Variants in C16orf96 observed in about 807,000 individuals in gnomAD.
C16orf96 encodes chromosome 16 open reading frame 96, also known as uncharacterized protein C16orf96.
C16orf96 carries 108 observed loss-of-function variants against 103.6 expected under a neutral mutation model. That is an observed-to-expected ratio of 1.04 (90% CI 0.89 to 1.22). C16orf96 has a LOEUF of 1.22. Among genes scored for constraint, C16orf96 ranks in the 50% most tolerant of loss-of-function variants. The pLI, the probability that C16orf96 is intolerant of heterozygous loss-of-function variation, is 0.00. For missense variants in C16orf96, 1,586 were observed against 1,464.2 expected (o/e 1.08, Z -1.36); for synonymous variants, 566 against 593.5 (o/e 0.95, Z 0.67).
Position 4,556,579 on chromosome 16 carries a change from G to T in C16orf96, c.90G>T (p.Leu30=). ...VLNFKALHLL[L]HGILEHIHMA... ...ACTTCAAGGCCCTGCACCTCCTGCT[G>T]CACGGCATCTTGGAGCACATCCACA... The change falls in exon 1 of 16, where the codon CTG becomes CTT. Residue 30 remains leucine, a synonymous_variant. Coordinates refer to ENST00000444310, the MANE Select transcript of C16orf96 (RefSeq NM_001145011.2). 6.4e-7 allele frequency: 1 copy of T among 1,551,688 alleles called. No individual in the cohort carries two copies. The highest frequency in any genetic ancestry group is 8.7e-7 in the Non-Finnish European group (1 of 1,147,010).
At chr16:4,597,622 T>C (rs1281958208) in intron 14 of C16orf96, among the ~76,000 whole-genome samples, 1 of 151,906 alleles carries the variant, frequency 6.6e-6, no homozygotes, top group Non-Finnish European at 1.5e-5. Flanking sequence ...AGTGGGGCGA[T>C]CTCAGCTCAC....
chr16:4,588,842 C>T (rs764743421), intron 9 of C16orf96, among the ~76,000 whole-genome samples: 15 of 151,522 alleles, frequency 9.9e-5, no homozygotes, highest in Non-Finnish European at 1.8e-4. Flanking sequence ...CCTCAGGAAA[C>T]GCTGCTGCTC....
chr16:4,594,619 T>A, intron 13 of C16orf96, 85 bp from the exon 14 acceptor site: 2 of 1,537,584 alleles, frequency 1.3e-6, no homozygotes, highest in African/African-American at 1.4e-5. Context: ...GGCTGCACTC[T>A]GTCTCCTGGG....
At chr16:4,552,506 C>T (rs957040013), upstream of C16orf96, among the ~76,000 whole-genome samples, 2 of 143,652 alleles carry the variant, frequency 1.4e-5, no homozygotes, top group Non-Finnish European at 3.1e-5. Context: ...AAAAAAGAAA[C>T]GAAAAGAAAA....
chr16:4,598,091 C>A (rs2141770286), intron 14 of C16orf96, among the ~76,000 whole-genome samples: 1 of 152,286 alleles, frequency 6.6e-6, no homozygotes, highest in South Asian at 2.1e-4. Flanking sequence ...GTGGCTTACA[C>A]CTGTAATCCC....
rs1717922676 is a variant in C16orf96 at position 4,575,362 on chromosome 16, T to G, written c.882T>G (p.Ser294=). 1 of 1,551,170 alleles carries G rather than the reference T, an allele frequency of 6.4e-7. No homozygotes were observed. Among genetic ancestry groups the G allele is most frequent in the Middle Eastern group, 1.7e-4 (1 of 5,992 alleles). Residue 294 remains serine, a synonymous_variant, in exon 5 of 16, where the codon TCT becomes TCG. Coordinates refer to ENST00000444310, the MANE Select transcript of C16orf96 (RefSeq NM_001145011.2). ...CAGAGCTCCTCCCGGAGGGCTCATC[T>G]GCCCAAGCAGTTTCACTCAGCAGAG... ...EVPELLPEGS[S]AQAVSLSRAQ... is the part of the protein sequence containing the mutation.
chr16:4,555,696 T>C (rs549285483), upstream of C16orf96, among the ~76,000 whole-genome samples: 83 of 150,042 alleles, frequency 5.5e-4, no homozygotes, highest in Non-Finnish European at 1.0e-3. Context: ...TTCTTTTCTT[T>C]TCTTTTTTTT....
intron 9 of C16orf96, among the ~76,000 whole-genome samples, chr16:4,588,934 G>A (rs2141752484): frequency 6.6e-6 from 1 of 152,214 alleles, no homozygotes; most frequent in South Asian, 2.1e-4. Flanking sequence ...AGCCACCTCA[G>A]TTGCAAGAAC....
At chr16:4,600,075 T>C (rs1567138940) in intron 15 of C16orf96, 25 bp from the exon 16 acceptor site, 7 of 1,545,356 alleles carry the variant, frequency 4.5e-6, no homozygotes, top group Non-Finnish European at 6.1e-6. Flanking sequence ...GGCACACATC[T>C]AGGGTTTCTC....
intron 7 of C16orf96, 128 bp from the exon 8 acceptor site, chr16:4,586,911 C>T (rs888734683): frequency 9.0e-6 from 7 of 776,164 alleles, no homozygotes; most frequent in Admixed American, 2.3e-5. Context: ...AACGCCCATG[C>T]CCACCTGCCT....
chr16:4,562,977 C>G (rs1425279176), intron 1 of C16orf96: 1 of 1,241,616 alleles, frequency 8.1e-7, no homozygotes, highest in East Asian at 2.4e-5. Flanking sequence ...ATCTTGAACG[C>G]CAACGTACCT....
In C16orf96 at chr16:4,580,090, G is replaced by T. The variant is rs1312248447; in HGVS notation, c.2317G>T (p.Val773Leu). The change falls in exon 7 of 16, where the codon GTG becomes TTG. Residue 773 changes from valine (V) to leucine (L), a missense_variant. By Grantham distance (32) the Val-to-Leu change is conservative. Coordinates refer to ENST00000444310, the MANE Select transcript of C16orf96 (RefSeq NM_001145011.2). The part of the protein sequence containing the change: ...KDRYITLDKA[V>L]ENLQIRMDEF... Reference sequence around the variant, plus strand: ...TCGCTACATCACTTTGGACAAGGCGGTGGAGAACCTGCAGATTCGCATGGA... The same window carrying T: ...TCGCTACATCACTTTGGACAAGGCGTTGGAGAACCTGCAGATTCGCATGGA... The T allele has an allele frequency of 4.5e-6, 7 of 1,543,884 alleles. No individual in the cohort carries two copies. Among genetic ancestry groups the T allele is most frequent in the Non-Finnish European group, 6.1e-6 (7 of 1,143,342 alleles).
chr16:4,578,909 C>G (rs1432169073), intron 5 of C16orf96, 31 bp from the exon 6 acceptor site: 58 of 1,528,334 alleles, frequency 3.8e-5, no homozygotes, highest in Non-Finnish European at 4.6e-5. Flanking sequence ...CCATCCGAGC[C>G]CTCAGCAGCC....
In C16orf96 at chr16:4,596,220, C is replaced by G. The variant is rs377431547; in HGVS notation, c.3127+1417C>G. Among the ~76,000 whole-genome samples the G allele has an allele frequency of 2.2e-4, 33 of 152,254 alleles. No homozygotes were observed. The East Asian group carries it at 3.1e-3, about 14-fold the overall frequency. ...CCGTCCCATTGGCCGGGCACGGTGGCTCACGCCTGTAATCCCAGCACTTTG... is the reference window on the plus strand; with the variant it reads ...CCGTCCCATTGGCCGGGCACGGTGGGTCACGCCTGTAATCCCAGCACTTTG... On this transcript the variant is annotated intron_variant, in intron 14 of 15. Transcript: ENST00000444310.
rs1302492120 is a variant in C16orf96 at position 4,593,685 on chromosome 16, G to A, written c.2867+369G>A. On this transcript the variant is annotated intron_variant, in intron 12 of 15. Coordinates refer to ENST00000444310, the MANE Select transcript of C16orf96 (RefSeq NM_001145011.2). The surrounding 1 kb of genome is among the most constrained non-coding windows in gnomAD (Gnocchi z 4.2). ...CCCTCAGGGAGCCGCTGCTGTGCCC[G>A]GCAGGCACTGTGCCAAGCGCTGGGG... Among the ~76,000 whole-genome samples the A allele has an allele frequency of 1.3e-5, 2 of 152,114 alleles. No individual in the cohort carries two copies. Among genetic ancestry groups the A allele is most frequent in the South Asian group, 2.1e-4 (1 of 4,830 alleles).
rs1567139791 is a variant in C16orf96 at position 4,600,433 on chromosome 16, GC to G, written c.*122del. On this transcript the variant is annotated 3_prime_UTR_variant, in exon 16 of 16. Coordinates refer to ENST00000444310, the MANE Select transcript of C16orf96 (RefSeq NM_001145011.2). ...CACATCGGAGGCTGAGGCCTATGTG[GC>G]CCCCCACCCCCACCCCCACCAAGTC... 2.7e-5 allele frequency: 18 copies of G among 655,682 alleles called. No homozygotes were observed. Among genetic ancestry groups the G allele is most frequent in the African/African-American group, 4.2e-5 (2 of 47,936 alleles). The allele number at this position is 655,682 out of a possible 1,614,324, so 40.6% of individuals were successfully genotyped here. A position where few individuals can be genotyped will look rare whatever the true frequency, so the allele number is the denominator to read the frequency against.
rs1337207365 is a variant in C16orf96 at position 4,600,304 on chromosome 16, C to T, written c.3413C>T (p.Pro1138Leu). The T allele has an allele frequency of 6.5e-7, 1 of 1,549,440 alleles. No homozygotes were observed. The highest frequency in any genetic ancestry group is 1.2e-5 in the South Asian group (1 of 84,010). ...GTCGGCAGGAAGCCCCCCGAGGAGC[C>T]CGCCAACCCGTGAGCCCCACCCCGC... ...SRVGRKPPEEPANP is the reference protein window; with the variant it reads ...SRVGRKPPEELANP Residue 1138 changes from proline (P) to leucine (L), a missense_variant, in exon 16 of 16, where the codon CCC becomes CTC. Pro to Leu is a moderately conservative substitution (Grantham distance 98, BLOSUM62 -3). Coordinates refer to ENST00000444310, the MANE Select transcript of C16orf96 (RefSeq NM_001145011.2).
intron 1 of C16orf96, among the ~76,000 whole-genome samples, chr16:4,570,847 T>G (rs1596521244): frequency 6.6e-6 from 1 of 152,042 alleles, no homozygotes; most frequent in East Asian, 1.9e-4. Context: ...TGCTTCCCCT[T>G]TTGCCCTCCA....
chr16:4,559,371 C>T (rs1047946231), intron 1 of C16orf96, among the ~76,000 whole-genome samples: 5 of 151,446 alleles, frequency 3.3e-5, no homozygotes, highest in East Asian at 1.9e-4. Context: ...CATGAAAACC[C>T]GTCTCTACTA....
Sources: allele counts gnomAD v4.1 joint callset (sites outside exome capture counted in the v4.1 genomes callset), GRCh38; gene constraint gnomAD v4.1.1; non-coding constraint Gnocchi (gnomAD v3.1); transcripts MANE v1.5; gene names NCBI Gene and HGNC (gene_info 2026-07-23, HGNC 2026-07-21).